DLG1: variants seen among roughly 807,000 people sequenced by gnomAD.
The protein encoded by DLG1 is disks large homolog 1.
Under a neutral mutation model 123.4 loss-of-function variants are expected in DLG1, and 42 were observed. That is an observed-to-expected ratio of 0.34 (90% CI 0.27 to 0.44). DLG1 has a LOEUF of 0.44. Among genes scored for constraint, DLG1 ranks in the 20% least tolerant of loss-of-function variants. The pLI, the probability that DLG1 is intolerant of heterozygous loss-of-function variation, is 1.00. For missense variants in DLG1, 942 were observed against 1,082.6 expected (o/e 0.87, Z 1.82); for synonymous variants, 317 against 356.2 (o/e 0.89, Z 1.24).
chr3:197,042,709 T>C lies in DLG1; in HGVS notation c.*1914A>G, dbSNP rs1208380919. 6.6e-6 allele frequency: 1 copy of C among 152,226 alleles called. No homozygotes were observed. The highest frequency in any genetic ancestry group is 1.5e-5 in the Non-Finnish European group (1 of 68,034). The allele number at this position is 152,226 out of a possible 1,614,324, so 9.4% of individuals were successfully genotyped here. ...GCAGTTTCTGAAGCTCTTGAGATTTTACAACAGTTTTCTTCATACTAGTGT... is the reference window on the plus strand; with the variant it reads ...GCAGTTTCTGAAGCTCTTGAGATTTCACAACAGTTTTCTTCATACTAGTGT... On this transcript the variant is annotated 3_prime_UTR_variant, in exon 25 of 25. Transcript: ENST00000667157.
rs1765493154 is a variant in DLG1, at chr3:197,104,842, A to C, written c.1546+61T>G. The stretch of plus-strand genomic sequence containing the variant: ...GGAAGTTAAACATTATTAAATATTA[A>C]AGAGGAAGAATTTTAAAAACTAAAA... On this transcript the variant is annotated intron_variant, in intron 14 of 24. Transcript: ENST00000667157. The C allele has an allele frequency of 1.2e-5, 14 of 1,168,650 alleles. 1 individual carries two copies. In the South Asian group the frequency reaches 1.4e-4, roughly 12 times the overall value. 72.4% of individuals were successfully genotyped at this position (1,168,650 alleles called of 1,614,324 possible).
chr3:197,101,943 G>C (rs114848923), intron 14 of DLG1, among the ~76,000 whole-genome samples: 76 of 152,188 alleles, frequency 5.0e-4, no homozygotes, highest in African/African-American at 1.7e-3. Flanking sequence ...TTTTAGCAGA[G>C]ACAAGATCTT....
intron 4 of DLG1, among the ~76,000 whole-genome samples, chr3:197,224,321 A>T (rs1738665898): frequency 6.6e-6 from 1 of 152,196 alleles, no homozygotes; most frequent in African/African-American, 2.4e-5. Context: ...AAAACCTTTT[A>T]TAATAATAGT....
At chr3:197,065,666 T>C (rs1356917692) in intron 21 of DLG1, 42 bp downstream of exon 21, 2 of 1,382,840 alleles carry the variant, frequency 1.4e-6, no homozygotes, top group East Asian at 2.3e-5. Flanking sequence ...TGACAGGAAA[T>C]GTTAAGAGTA....
intron 4 of DLG1, among the ~76,000 whole-genome samples, chr3:197,206,916 T>C (rs1041453656): frequency 6.6e-6 from 1 of 152,212 alleles, no homozygotes; most frequent in Non-Finnish European, 1.5e-5. Flanking sequence ...AAAATGAATA[T>C]ATAGATATCG....
chr3:197,091,948 T>C (rs927271921), intron 14 of DLG1, among the ~76,000 whole-genome samples: 1 of 152,188 alleles, frequency 6.6e-6, no homozygotes, highest in Non-Finnish European at 1.5e-5. Context: ...TCATCAACTT[T>C]GTTTTACGGA....
intron 4 of DLG1, among the ~76,000 whole-genome samples, chr3:197,233,504 A>G (rs1164709315): frequency 6.6e-6 from 1 of 152,216 alleles, no homozygotes; most frequent in Non-Finnish European, 1.5e-5. Context: ...CTCCTGCCTC[A>G]GTCTCCCAAG....
chr3:197,225,648 AC>A (rs1013956232), intron 4 of DLG1, among the ~76,000 whole-genome samples: 2 of 152,254 alleles, frequency 1.3e-5, no homozygotes, highest in African/African-American at 4.8e-5. Flanking sequence ...ATGACATTTT[AC>A]ATGCAGCTTT....
intron 4 of DLG1, among the ~76,000 whole-genome samples, chr3:197,240,019 G>A (rs1055723599): frequency 2.0e-5 from 3 of 152,162 alleles, no homozygotes; most frequent in African/African-American, 7.2e-5. Flanking sequence ...ATCATCTAAT[G>A]TTCTCTGGCA....
At chr3:197,253,916 G>A (rs1755645784) in intron 4 of DLG1, among the ~76,000 whole-genome samples, 1 of 150,408 alleles carries the variant, frequency 6.6e-6, no homozygotes, top group African/African-American at 2.5e-5. Flanking sequence ...CAAAATTAAA[G>A]GTTTAATTAA....
chr3:197,163,116 C>T (rs1033908859), intron 5 of DLG1, among the ~76,000 whole-genome samples: 2 of 152,136 alleles, frequency 1.3e-5, no homozygotes, highest in African/African-American at 4.8e-5. Context: ...ATCATTAGTC[C>T]TTAGGGTAAT....
chr3:197,098,664 A>G (rs530403045), intron 14 of DLG1, among the ~76,000 whole-genome samples: 26 of 152,140 alleles, frequency 1.7e-4, no homozygotes, highest in African/African-American at 6.0e-4. Flanking sequence ...CCTCCTCAGT[A>G]GCTGAAATTA....
intron 15 of DLG1, among the ~76,000 whole-genome samples, chr3:197,086,069 T>A (rs1754169728): frequency 6.6e-6 from 1 of 152,102 alleles, no homozygotes; most frequent in Admixed American, 6.6e-5. Flanking sequence ...AGTTTGAAAT[T>A]AATAAACAAA....
chr3:197,089,509 A>C, intron 15 of DLG1, among the ~76,000 whole-genome samples: 1 of 151,538 alleles, frequency 6.6e-6, no homozygotes, highest in Non-Finnish European at 1.5e-5. Flanking sequence ...CCTGGGTGAC[A>C]AAGTGAGACC....
intron 5 of DLG1, among the ~76,000 whole-genome samples, chr3:197,185,204 A>AT (rs1181985652): frequency 6.6e-6 from 1 of 152,156 alleles, no homozygotes; most frequent in African/African-American, 2.4e-5. Flanking sequence ...AGCCATGGAT[A>AT]TTTTTTCGGA....
intron 4 of DLG1, among the ~76,000 whole-genome samples, chr3:197,245,437 T>C (rs1578629803): frequency 6.6e-6 from 1 of 152,212 alleles, no homozygotes; most frequent in South Asian, 2.1e-4. Context: ...GGAGTGGCCT[T>C]AATCTTGGGT....
At chr3:197,136,216 G>A (rs1353365266) in intron 10 of DLG1, 1 of 187,886 alleles carries the variant, frequency 5.3e-6, no homozygotes, top group Non-Finnish European at 1.1e-5. Flanking sequence ...ATACTATTAA[G>A]TGAAGTAAAA....
At chr3:197,210,602 A>T (rs1578124214) in intron 4 of DLG1, among the ~76,000 whole-genome samples, 1 of 143,290 alleles carries the variant, frequency 7.0e-6, no homozygotes, top group East Asian at 2.0e-4. Context: ...TAAAACAGTA[A>T]ATGTGAGTGG....
chr3:197,123,583 T>C (rs1263933666), intron 11 of DLG1, among the ~76,000 whole-genome samples: 1 of 152,188 alleles, frequency 6.6e-6, no homozygotes, highest in Non-Finnish European at 1.5e-5. Flanking sequence ...ATATACATAC[T>C]ATTCATAATT....
Sources: allele counts gnomAD v4.1 joint callset (sites outside exome capture counted in the v4.1 genomes callset), GRCh38; gene constraint gnomAD v4.1.1; transcripts MANE v1.5; gene names NCBI Gene and HGNC (gene_info 2026-07-23, HGNC 2026-07-21).